Variants in TREH observed in about 807,000 individuals in gnomAD.
TREH encodes trehalase.
Under a neutral mutation model 80.5 loss-of-function variants are expected in TREH, and 69 were observed. The ratio of observed to expected loss-of-function variants is 0.86; its 90% CI spans 0.71 to 1.05. The LOEUF is 1.05. Ranked by LOEUF, TREH falls within the 50% of genes least tolerant of loss-of-function variation. TREH has a pLI of 0.00. For synonymous variants in TREH, 309 were observed against 293.5 expected, an observed-to-expected ratio of 1.05 and a Z score of -0.54; for missense variants, 716 against 718.8, an observed-to-expected ratio of 1.00 and a Z score of 0.04.
chr11:118,666,402 C>T (rs1949378238), intron 1 of TREH, among the ~76,000 whole-genome samples: 1 of 152,098 alleles, frequency 6.6e-6, no homozygotes, highest in Non-Finnish European at 1.5e-5. Context: ...ATACCAGATG[C>T]CTGAAAGGGG....
chr11:118,658,715 C>T lies in TREH; in HGVS notation c.1564G>A (p.Gly522Arg), dbSNP rs1427634369. The stretch of plus-strand genomic sequence containing the variant: ...TATTCTCCTCCCCCACCGGGCTGTC[C>T]ACCGTTGCTGACGTCATACTGGGGA... ...MYEKYDVSNG[G>R]QPGGGGEYEV... Residue 522 changes from glycine (G) to arginine (R), a missense_variant, in exon 14 of 15, where the codon GGA becomes AGA. Gly to Arg is a moderately radical substitution (Grantham distance 125). Transcript: ENST00000264029. 13 of 1,604,654 alleles carry T rather than the reference C, an allele frequency of 8.1e-6. No individual in the cohort carries two copies. Among genetic ancestry groups the T allele is most frequent in the Non-Finnish European group, 1.1e-5 (13 of 1,175,540 alleles).
In TREH at chr11:118,658,947, G is replaced by C; in HGVS notation, c.1503C>G (p.Thr501=). 6.2e-7 allele frequency: 1 copy of C among 1,613,940 alleles called. No individual in the cohort carries two copies. Among genetic ancestry groups the C allele is most frequent in the South Asian group, 1.1e-5 (1 of 91,082 alleles). Residue 501 remains threonine (T), a synonymous_variant, in exon 13 of 15, where the codon ACC becomes ACG. Coordinates refer to ENST00000264029, the MANE Select transcript of TREH (RefSeq NM_007180.3). ...AFQLAQNWIR[T]NFDVYSQKSA... is the part of the protein sequence containing the mutation. ...ACTTCTGCGAGTAGACATCAAAATT[G>C]GTTCGGATCCAATTCTGAGCCAGCT...
intron 1 of TREH, among the ~76,000 whole-genome samples, chr11:118,666,066 G>C (rs1157257448): frequency 6.6e-6 from 1 of 152,134 alleles, no homozygotes; most frequent in East Asian, 1.9e-4. Context: ...CAACACCCCC[G>C]TCTCTACTAA....
chr11:118,663,577 G>A, intron 1 of TREH, 138 bp from the exon 2 acceptor site: 1 of 691,224 alleles, frequency 1.4e-6, no homozygotes, highest in Non-Finnish European at 2.5e-6. Context: ...GTGCGTGTGT[G>A]TGTGTGTGTT....
intron 1 of TREH, among the ~76,000 whole-genome samples, chr11:118,668,632 T>A (rs1555145900): frequency 6.7e-6 from 1 of 149,414 alleles, no homozygotes; most frequent in East Asian, 2.0e-4. Flanking sequence ...GAATCAATAT[T>A]GTTAAAATGT....
chr11:118,677,644 G>A (rs1385949766), intron 1 of TREH, among the ~76,000 whole-genome samples: 1 of 152,156 alleles, frequency 6.6e-6, no homozygotes, highest in African/African-American at 2.4e-5. Flanking sequence ...AGAATCGCTT[G>A]AACCCAGAAG....
In TREH at chr11:118,658,395, C is replaced by T. The variant is rs566037210; in HGVS notation, c.1646G>A (p.Arg549His). The T allele has an allele frequency of 1.0e-4, 167 of 1,610,250 alleles. No individual in the cohort carries two copies. The highest frequency in any genetic ancestry group is 2.1e-4 in the South Asian group (19 of 90,408). Residue 549 changes from arginine (R) to histidine (H), a missense_variant, in exon 15 of 15, where the codon CGC becomes CAC. By Grantham distance (29) the Arg-to-His change is conservative (BLOSUM62 0). Transcript: ENST00000264029. ...TNGVVLMLLD[R>H]YGDRLTSGAK... ...CCCTGAGGTCAGCCGGTCACCATAGCGGTCCAGCAGCATCAGGACCACGCC... is the reference window on the plus strand; with the variant it reads ...CCCTGAGGTCAGCCGGTCACCATAGTGGTCCAGCAGCATCAGGACCACGCC...
chr11:118,674,915 A>G lies in TREH; in HGVS notation c.89+4624T>C, dbSNP rs533886283. 5.9e-5 allele frequency among the ~76,000 whole-genome samples: 9 copies of G among 152,322 alleles called. No individual in the cohort carries two copies. The highest frequency in any genetic ancestry group is 3.9e-4 in the East Asian group (2 of 5,188). On this transcript the variant is annotated intron_variant, in intron 1 of 14. Transcript: ENST00000264029. This position sits in a 1 kb window ranked among gnomAD's most constrained non-coding sequence, Gnocchi z 4.4. ...GCAGGTGTTTTTGGTACCACAGTGC[A>G]GGACTGGAGGTTGTAATTCCACTGA...
At chr11:118,667,084 G>T (rs1316411088) in intron 1 of TREH, among the ~76,000 whole-genome samples, 3 of 152,020 alleles carry the variant, frequency 2.0e-5, no homozygotes, top group Admixed American at 1.3e-4. Context: ...GTTTCTCTGT[G>T]TTGGTCAGGC....
intron 1 of TREH, among the ~76,000 whole-genome samples, chr11:118,670,004 TAAAA>T (rs1156615434): frequency 6.7e-6 from 1 of 150,130 alleles, no homozygotes; most frequent in Admixed American, 6.6e-5. Context: ...CTCCAAAAAT[TAAAA>T]AAAAAGAACA....
At chr11:118,666,831 G>A (rs782123006) in intron 1 of TREH, among the ~76,000 whole-genome samples, 16 of 152,200 alleles carry the variant, frequency 1.1e-4, no homozygotes, top group African/African-American at 1.7e-4. Flanking sequence ...CCTTGTTTTC[G>A]TGGATGAAAA....
chr11:118,678,083 C>T (rs1555147051), intron 1 of TREH, among the ~76,000 whole-genome samples: 1 of 152,164 alleles, frequency 6.6e-6, no homozygotes, highest in Admixed American at 6.6e-5. Context: ...TGGAGCCCCG[C>T]TCTCCCCGGA....
In TREH at chr11:118,661,883, C is replaced by T. The variant is rs553791043; in HGVS notation, c.524+7G>A. The T allele has an allele frequency of 1.1e-5, 17 of 1,559,454 alleles. No individual in the cohort carries two copies. The highest frequency in any genetic ancestry group is 7.2e-5 in the East Asian group (3 of 41,402). On this transcript the variant is annotated splice_region_variant and intron_variant, in intron 5 of 14. Transcript: ENST00000264029. This position sits in a 1 kb window ranked among gnomAD's most constrained non-coding sequence, Gnocchi z 4.2. ...GGCCCCTTGGTCTCTTGGGCCTGGG[C>T]GCTCACCAGTAGTAGAACTCAACAA...
intron 1 of TREH, among the ~76,000 whole-genome samples, chr11:118,672,122 G>A (rs537066134): frequency 9.9e-5 from 15 of 152,152 alleles, no homozygotes; most frequent in Non-Finnish European, 1.6e-4. Flanking sequence ...CACCTGGGCC[G>A]GGCATGGTGG....
rs782304296 is a variant in TREH at position 118,660,927 on chromosome 11, G to T, written c.858-12C>A. Reference sequence around the variant, plus strand: ...TGTAGGACTCAGGCCTGGCAAAGAGGAGAGGTGGGCAGCCTGGCACTAGTA... The same window carrying T: ...TGTAGGACTCAGGCCTGGCAAAGAGTAGAGGTGGGCAGCCTGGCACTAGTA... On this transcript the variant is annotated splice_polypyrimidine_tract_variant and intron_variant, in intron 8 of 14. Coordinates refer to ENST00000264029, the MANE Select transcript of TREH (RefSeq NM_007180.3). 3.8e-6 allele frequency: 6 copies of T among 1,568,332 alleles called. No homozygotes were observed. In the South Asian group the frequency reaches 4.7e-5, roughly 12 times the overall value.
intron 1 of TREH, among the ~76,000 whole-genome samples, chr11:118,666,612 G>A (rs758618047): frequency 6.6e-5 from 10 of 152,206 alleles, no homozygotes; most frequent in East Asian, 5.8e-4. Context: ...CATCTACTAC[G>A]AAGGATACCA....
chr11:118,678,111 C>T (rs1949497678), intron 1 of TREH, among the ~76,000 whole-genome samples: 1 of 152,156 alleles, frequency 6.6e-6, no homozygotes, highest in African/African-American at 2.4e-5. Context: ...CCACTCTGCC[C>T]CAATCACACA....
At chr11:118,672,663 A>G (rs1005676002) in intron 1 of TREH, among the ~76,000 whole-genome samples, 1 of 142,474 alleles carries the variant, frequency 7.0e-6, no homozygotes, top group Non-Finnish European at 1.5e-5. Context: ...GTAAGCTGAG[A>G]TCGCACGCCA....
chr11:118,670,110 T>C (rs1476814185), intron 1 of TREH, among the ~76,000 whole-genome samples: 1 of 152,198 alleles, frequency 6.6e-6, no homozygotes, highest in African/African-American at 2.4e-5. Context: ...AAGAAATCAA[T>C]TTCCAGTTCC....
Sources: allele counts gnomAD v4.1 joint callset (sites outside exome capture counted in the v4.1 genomes callset), GRCh38; gene constraint gnomAD v4.1.1; non-coding constraint Gnocchi (gnomAD v3.1); transcripts MANE v1.5; gene names NCBI Gene and HGNC (gene_info 2026-07-23, HGNC 2026-07-21).